CHST9: variants seen among roughly 807,000 people sequenced by gnomAD.
CHST9 encodes carbohydrate sulfotransferase 9.
Under a neutral mutation model 44.4 loss-of-function variants are expected in CHST9, and 41 were observed. The observed-to-expected ratio is 0.92, with a 90% CI of 0.72 to 1.20. CHST9 has a LOEUF of 1.20. CHST9 is among the 50% of genes most tolerant of loss of function. CHST9 has a pLI of 0.00. For synonymous variants in CHST9, 171 were observed against 178.4 expected (o/e 0.96, Z 0.33); for missense variants, 504 against 516.5 (o/e 0.98, Z 0.23).
chr18:27,092,462 CTTAA>C (rs1266900736), intron 2 of CHST9, among the ~76,000 whole-genome samples: 1 of 151,764 alleles, frequency 6.6e-6, no homozygotes, highest in African/African-American at 2.4e-5. Flanking sequence ...CTGCTCTGAT[CTTAA>C]TTATTTATTG....
In CHST9 at chr18:26,908,139, C is replaced by T. The variant is rs192409546; in HGVS notation, c.*8120G>A. ...GAACTGTACACTTAAAAAATGGTGG[C>T]AAGGCATGGTGGCTCATGCCTGTAA... On this transcript the variant is annotated 3_prime_UTR_variant, in exon 6 of 6. Transcript: ENST00000618847. 374 of 152,506 alleles carry T rather than the reference C, an allele frequency of 2.5e-3. No homozygotes were observed. Among genetic ancestry groups the T allele is most frequent in the South Asian group, 7.0e-3 (34 of 4,830 alleles). The allele number at this position is 152,506 out of a possible 1,614,324, so 9.4% of individuals were successfully genotyped here.
Position 26,915,314 on chromosome 18 carries a change from A to G in CHST9, c.*945T>C, listed in dbSNP as rs1430023120. ...AAAACAAAAGCTATTCTTAGGGTGT[A>G]TTCCACATATAAAGCTATGCACATG... On this transcript the variant is annotated 3_prime_UTR_variant, in exon 6 of 6. Transcript: ENST00000618847. The G allele has an allele frequency of 4.4e-6, 1 of 226,822 alleles. No individual in the cohort carries two copies. Among genetic ancestry groups the G allele is most frequent in the Non-Finnish European group, 8.5e-6 (1 of 118,110 alleles). The allele number at this position is 226,822 out of a possible 1,614,324, so 14.1% of individuals were successfully genotyped here.
At chr18:27,091,652 T>C (rs2058070085) in intron 2 of CHST9, among the ~76,000 whole-genome samples, 3 of 152,126 alleles carry the variant, frequency 2.0e-5, no homozygotes, top group Non-Finnish European at 4.4e-5. Context: ...GTTTTTAGCA[T>C]GAAGGGCTGT....
intron 2 of CHST9, among the ~76,000 whole-genome samples, chr18:27,114,597 C>G (rs1256429281): frequency 6.6e-6 from 1 of 152,196 alleles, no homozygotes; most frequent in African/African-American, 2.4e-5. Flanking sequence ...CCAAAAGGAA[C>G]TCTATAGATA....
intron 4 of CHST9, among the ~76,000 whole-genome samples, chr18:26,992,861 T>C (rs2056839814): frequency 6.6e-6 from 1 of 152,200 alleles, no homozygotes; most frequent in African/African-American, 2.4e-5. Flanking sequence ...GAGTTTAAAG[T>C]GGGCATTTTT....
intron 2 of CHST9, among the ~76,000 whole-genome samples, chr18:27,068,861 A>T (rs1448838687): frequency 2.0e-5 from 3 of 152,098 alleles, no homozygotes; most frequent in Non-Finnish European, 2.9e-5. Flanking sequence ...TTCTCTTCAA[A>T]CGTGATGTAA....
intron 1 of CHST9, among the ~76,000 whole-genome samples, chr18:27,162,609 G>A (rs2058756622): frequency 6.6e-6 from 1 of 152,164 alleles, no homozygotes; most frequent in South Asian, 2.1e-4. Context: ...TTCTCGAGGA[G>A]TATCTTTGTG....
chr18:27,172,328 G>C (rs1567949067), intron 1 of CHST9, among the ~76,000 whole-genome samples: 1 of 151,984 alleles, frequency 6.6e-6, no homozygotes, highest in Non-Finnish European at 1.5e-5. Flanking sequence ...TGTATTAACA[G>C]TTTAATAAGA....
chr18:27,157,880 T>C (rs2058710205), intron 1 of CHST9, among the ~76,000 whole-genome samples: 2 of 152,166 alleles, frequency 1.3e-5, no homozygotes, highest in Non-Finnish European at 2.9e-5. Flanking sequence ...GTGATAATTT[T>C]AGTGTTATGA....
chr18:26,932,331 T>G (rs1356198672), intron 5 of CHST9, among the ~76,000 whole-genome samples: 1 of 152,216 alleles, frequency 6.6e-6, no homozygotes, highest in East Asian at 1.9e-4. Context: ...ACAAATCTCC[T>G]TATCTTCATG....
chr18:27,097,372 A>T (rs1490597395), intron 2 of CHST9, among the ~76,000 whole-genome samples: 1 of 152,104 alleles, frequency 6.6e-6, no homozygotes, highest in Non-Finnish European at 1.5e-5. Context: ...CCTATTCAAC[A>T]TAGTACTGGA....
At chr18:26,951,272 A>G (rs1301945649) in intron 4 of CHST9, among the ~76,000 whole-genome samples, 1 of 152,216 alleles carries the variant, frequency 6.6e-6, no homozygotes, top group Non-Finnish European at 1.5e-5. Context: ...AAATTCTCCA[A>G]ACTTTGCAGT....
chr18:27,089,379 G>A (rs1489063388), intron 2 of CHST9, among the ~76,000 whole-genome samples: 1 of 150,592 alleles, frequency 6.6e-6, no homozygotes, highest in Non-Finnish European at 1.5e-5. Flanking sequence ...GGGTGAGAAT[G>A]TGCGGTGTTT....
chr18:26,928,697 A>C (rs2055821738), intron 5 of CHST9, among the ~76,000 whole-genome samples: 1 of 152,220 alleles, frequency 6.6e-6, no homozygotes, highest in Non-Finnish European at 1.5e-5. Context: ...AGGAGCCCTC[A>C]GAACAAATGT....
intron 3 of CHST9, among the ~76,000 whole-genome samples, chr18:27,029,620 C>G (rs755102557): frequency 6.6e-6 from 1 of 152,124 alleles, no homozygotes; most frequent in Non-Finnish European, 1.5e-5. Context: ...GTGCATATCA[C>G]CTATGCACAT....
intron 4 of CHST9, among the ~76,000 whole-genome samples, chr18:26,997,608 T>C (rs538592883): frequency 6.6e-6 from 1 of 152,274 alleles, no homozygotes; most frequent in Admixed American, 6.5e-5. Context: ...AGTTGGAAAC[T>C]TTTGATAAGG....
chr18:26,978,265 G>A (rs2056648841), intron 4 of CHST9, among the ~76,000 whole-genome samples: 1 of 141,516 alleles, frequency 7.1e-6, no homozygotes, highest in South Asian at 2.2e-4. Flanking sequence ...TTTTTCTGAT[G>A]TGTGTGTGTG....
At chr18:27,146,527 G>A (rs542229258) in intron 1 of CHST9, among the ~76,000 whole-genome samples, 14 of 152,288 alleles carry the variant, frequency 9.2e-5, no homozygotes, top group African/African-American at 2.6e-4. Context: ...CAAGCCTGCG[G>A]AAAAAGTGCA....
chr18:26,944,750 G>A (rs1343729687), intron 4 of CHST9, among the ~76,000 whole-genome samples: 1 of 152,160 alleles, frequency 6.6e-6, no homozygotes, highest in African/African-American at 2.4e-5. Flanking sequence ...ACTGAGCTCA[G>A]GGAACCCTGA....
Sources: gnomAD v4.1 joint callset for allele counts (sites outside exome capture counted in the v4.1 genomes callset) on GRCh38, gnomAD v4.1.1 for gene constraint, MANE v1.5 for transcripts, NCBI Gene and HGNC (gene_info 2026-07-23, HGNC 2026-07-21) for gene names.